The following CLRN1 variants were observed in gnomAD, a reference collection of about 807,000 sequenced individuals.
CLRN1 encodes clarin-1.
Under a neutral mutation model 18.7 loss-of-function variants are expected in CLRN1, and 15 were observed. The ratio of observed to expected loss-of-function variants is 0.80; its 90% CI spans 0.54 to 1.23. The LOEUF (loss-of-function observed/expected upper bound fraction) is 1.23, where lower values mean the gene tolerates loss of function less well. CLRN1 is among the 50% of genes most tolerant of loss of function. The pLI, the probability that CLRN1 is intolerant of heterozygous loss-of-function variation, is 0.00. For missense variants in CLRN1, 311 were observed against 277.5 expected (o/e 1.12, Z -0.86); for synonymous variants, 104 against 102.9 (o/e 1.01, Z -0.07).
At chr3:150,969,078 A>G (rs1203744626) in intron 1 of CLRN1, among the ~76,000 whole-genome samples, 1 of 151,748 alleles carries the variant, frequency 6.6e-6, no homozygotes, top group Non-Finnish European at 1.5e-5. Context: ...ATGTAAATGT[A>G]AAATACACTC....
At chr3:150,929,345 A>G (rs1713005467) in intron 2 of CLRN1, among the ~76,000 whole-genome samples, 2 of 152,184 alleles carry the variant, frequency 1.3e-5, no homozygotes, top group African/African-American at 4.8e-5. Flanking sequence ...AGCAGGTGGC[A>G]GGAGGGACCA....
chr3:150,945,081 C>T (rs1287870842), intron 1 of CLRN1, among the ~76,000 whole-genome samples: 1 of 152,190 alleles, frequency 6.6e-6, no homozygotes, highest in Non-Finnish European at 1.5e-5. Flanking sequence ...CAGTCCTGCA[C>T]TTGCATGGGC....
At chr3:150,951,152 G>A (rs548352049) in intron 1 of CLRN1, among the ~76,000 whole-genome samples, 240 of 152,226 alleles carry the variant, frequency 1.6e-3, no homozygotes, top group African/African-American at 5.6e-3. Context: ...GAGGATGGAG[G>A]GTGGGAGGAG....
upstream of CLRN1, chr3:150,972,896 A>T (rs1430713006): frequency 2.6e-6 from 2 of 764,064 alleles, no homozygotes; most frequent in Non-Finnish European, 4.5e-6. Context: ...ATCATCACTC[A>T]TACTTGGCTT....
downstream of CLRN1, chr3:150,926,422 T>C (rs1289750966): frequency 1.2e-5 from 4 of 336,722 alleles, no homozygotes; most frequent in African/African-American, 8.6e-5. Flanking sequence ...TTTCCAGTGC[T>C]TTTGTACTGG....
In CLRN1 at chr3:150,928,153, A is replaced by G; in HGVS notation, c.482T>C (p.Ile161Thr). The change falls in exon 3 of 3, where the codon ATC (isoleucine) becomes ACC (threonine). Residue 161 changes from isoleucine (I) to threonine (T), a missense_variant. Coordinates refer to ENST00000327047, the MANE Select transcript of CLRN1 (RefSeq NM_174878.3). ...TGCAATTTTTTCTGAGAGGTGATGG[A>G]TTTTCACTTCAGAGGCAAACAATAT... ...VMILFASEVK[I>T]HHLSEKIANY... The G allele has an allele frequency of 1.9e-6, 3 of 1,613,840 alleles. No individual in the cohort carries two copies. The highest frequency in any genetic ancestry group is 2.5e-6 in the Non-Finnish European group (3 of 1,179,998).
At chr3:150,972,397 G>T (rs1715579860) in intron 1 of CLRN1, 59 bp downstream of exon 1, 2 of 1,611,008 alleles carry the variant, frequency 1.2e-6, no homozygotes, top group Non-Finnish European at 1.7e-6. Context: ...ATAATTCCTC[G>T]CAACACTGGG....
intron 1 of CLRN1, among the ~76,000 whole-genome samples, chr3:150,957,034 C>T (rs1714772439): frequency 6.6e-6 from 1 of 152,066 alleles, no homozygotes; most frequent in Admixed American, 6.6e-5. Context: ...TGGTGTATAC[C>T]CAACCTTCCC....
At chr3:150,929,325 A>G (rs1403500319) in intron 2 of CLRN1, among the ~76,000 whole-genome samples, 1 of 152,182 alleles carries the variant, frequency 6.6e-6, no homozygotes, top group Non-Finnish European at 1.5e-5. Context: ...TGGATGGCAC[A>G]GGGAGCAGAA....
rs1373455354 is a variant in CLRN1, at chr3:150,944,571, GA to G, written c.254-2811del. Among the ~76,000 whole-genome samples the G allele has an allele frequency of 2.8e-3, 386 of 139,062 alleles. 3 individuals carry two copies. Among genetic ancestry groups the G allele is most frequent in the African/African-American group, 9.2e-3 (351 of 38,282 alleles). The allele number at this position is 139,062 out of a possible 152,430, so 91.2% of individuals were successfully genotyped here. A position where few individuals can be genotyped will look rare whatever the true frequency, so the allele number is the denominator to read the frequency against. On this transcript the variant is annotated intron_variant, in intron 1 of 2. Transcript: ENST00000327047. Reference sequence around the variant, plus strand: ...AGGACTTGTTTAAAAAAAAAAAAAAGAATCCAGGCCGGGTGCGGTGGCTCAC... The same window carrying G: ...AGGACTTGTTTAAAAAAAAAAAAAAGATCCAGGCCGGGTGCGGTGGCTCAC...
rs1713843127 is a variant in CLRN1 at position 150,941,580 on chromosome 3, AC to A, written c.433+1del. On this transcript the variant is annotated splice_donor_variant, in intron 2 of 2. Coordinates refer to ENST00000327047, the MANE Select transcript of CLRN1 (RefSeq NM_174878.3). LOFTEE classifies it high-confidence loss of function. ...TCTTCAGAGGTAGAATTTTGTACTTACCTGAAATGAAGCTCAAAAGGTACAG... is the reference window on the plus strand; with the variant it reads ...TCTTCAGAGGTAGAATTTTGTACTTACTGAAATGAAGCTCAAAAGGTACAG... 2 of 1,613,986 alleles carry A rather than the reference AC, an allele frequency of 1.2e-6. No homozygotes were observed. Among genetic ancestry groups the A allele is most frequent in the Non-Finnish European group, 1.7e-6 (2 of 1,179,880 alleles).
chr3:150,945,766 T>A, intron 1 of CLRN1: 2 of 720,566 alleles, frequency 2.8e-6, no homozygotes, highest in Non-Finnish European at 3.9e-6. Flanking sequence ...CATTTAGCAA[T>A]ATCCTGTGTT....
intron 1 of CLRN1, among the ~76,000 whole-genome samples, chr3:150,949,407 G>T (rs115793461): frequency 3.9e-5 from 6 of 152,124 alleles, no homozygotes; most frequent in Admixed American, 3.9e-4. Context: ...AGGAAGAGAG[G>T]AAGTCAAACT....
intron 1 of CLRN1, among the ~76,000 whole-genome samples, chr3:150,969,036 AT>A (rs1223766855): frequency 6.6e-6 from 1 of 151,904 alleles, no homozygotes; most frequent in Non-Finnish European, 1.5e-5. Flanking sequence ...AAAAATGAGC[AT>A]GTGAAATGTG....
intron 1 of CLRN1, among the ~76,000 whole-genome samples, chr3:150,955,593 T>TA (rs1380008767): frequency 6.6e-6 from 1 of 151,984 alleles, no homozygotes; most frequent in East Asian, 1.9e-4. Context: ...ATCTCCTCAT[T>TA]AAAAAAAATT....
intron 1 of CLRN1, among the ~76,000 whole-genome samples, chr3:150,962,757 C>T (rs906826360): frequency 6.6e-6 from 1 of 152,174 alleles, no homozygotes; most frequent in African/African-American, 2.4e-5. Context: ...CTGCCTTACA[C>T]CTAAACTGCC....
At position 150,927,033 on chromosome 3, in the gene CLRN1, C is replaced by G. The variant is rs1362465946; in HGVS notation, c.*903G>C. 3 of 1,318,072 alleles carry G rather than the reference C, an allele frequency of 2.3e-6. No individual in the cohort carries two copies. Among genetic ancestry groups the G allele is most frequent in the Non-Finnish European group, 3.2e-6 (3 of 942,802 alleles). The allele number at this position is 1,318,072 out of a possible 1,614,324, so 81.6% of individuals were successfully genotyped here. ...CATATTAGTACTCGAGACACTATAG[C>G]TAGAAAAACAGCCCCTAATAAGTCA... is the stretch of plus-strand genomic sequence containing the variant. On this transcript the variant is annotated 3_prime_UTR_variant, in exon 3 of 3. Coordinates refer to ENST00000327047, the MANE Select transcript of CLRN1 (RefSeq NM_174878.3).
At chr3:150,934,607 A>C (rs907306905) in intron 2 of CLRN1, among the ~76,000 whole-genome samples, 2 of 152,136 alleles carry the variant, frequency 1.3e-5, no homozygotes, top group Admixed American at 6.5e-5. Context: ...GATCCATGTC[A>C]AGTCTGCCAG....
At chr3:150,964,015 A>C (rs777977884) in intron 1 of CLRN1, among the ~76,000 whole-genome samples, 24 of 152,232 alleles carry the variant, frequency 1.6e-4, no homozygotes, top group Non-Finnish European at 3.1e-4. Context: ...CAAAGACTTC[A>C]TGACTAAACA....
Sources: allele counts gnomAD v4.1 joint callset (sites outside exome capture counted in the v4.1 genomes callset), GRCh38; gene constraint gnomAD v4.1.1; transcripts MANE v1.5; gene names NCBI Gene and HGNC (gene_info 2026-07-23, HGNC 2026-07-21).